The following NRCAM variants were observed in gnomAD, a reference collection of about 807,000 sequenced individuals.
NRCAM encodes neuronal cell adhesion molecule.
NRCAM carries 83 observed loss-of-function variants against 156.5 expected under a neutral mutation model. That is an observed-to-expected ratio of 0.53 (90% CI 0.44 to 0.64). The LOEUF is 0.64. Ranked by LOEUF, NRCAM falls within the 30% of genes least tolerant of loss-of-function variation. The pLI, the probability that NRCAM is intolerant of heterozygous loss-of-function variation, is 0.00. For missense variants in NRCAM, 1,417 were observed against 1,597.3 expected, an observed-to-expected ratio of 0.89 and a Z score of 1.92; for synonymous variants, 538 against 563.9, an observed-to-expected ratio of 0.95 and a Z score of 0.65.
At chr7:108,435,987 AG>A (rs1350231618) in intron 1 of NRCAM, among the ~76,000 whole-genome samples, 2 of 152,162 alleles carry the variant, frequency 1.3e-5, no homozygotes, top group African/African-American at 4.8e-5. Flanking sequence ...AAAAAAAATT[AG>A]CCGGGCGTGT....
chr7:108,395,940 T>C (rs960232654), intron 2 of NRCAM, among the ~76,000 whole-genome samples: 1 of 152,176 alleles, frequency 6.6e-6, no homozygotes, highest in African/African-American at 2.4e-5. Flanking sequence ...CAGTCTGCAA[T>C]AGTTTCCATA....
chr7:108,244,455 A>C (rs2095768407), intron 3 of NRCAM, among the ~76,000 whole-genome samples: 2 of 152,158 alleles, frequency 1.3e-5, no homozygotes, highest in Admixed American at 1.3e-4. Flanking sequence ...TATTTATCTT[A>C]AGGAAGAAGT....
intron 2 of NRCAM, among the ~76,000 whole-genome samples, chr7:108,393,828 T>C (rs1280458444): frequency 3.9e-5 from 6 of 152,196 alleles, no homozygotes; most frequent in Non-Finnish European, 7.3e-5. Flanking sequence ...TGAAGATAGG[T>C]AATCCCATCC....
At chr7:108,399,648 A>G (rs2099786097) in intron 1 of NRCAM, 55 bp from the exon 2 acceptor site, 1 of 152,226 alleles carries the variant, frequency 6.6e-6, no homozygotes, top group Non-Finnish European at 1.5e-5. Context: ...GGTTAATTCT[A>G]TTTAGCTGAG....
chr7:108,435,652 C>T (rs1476750199), intron 1 of NRCAM, among the ~76,000 whole-genome samples: 1 of 152,108 alleles, frequency 6.6e-6, no homozygotes, highest in Non-Finnish European at 1.5e-5. Context: ...GGTTATTAGG[C>T]TTAATACCTG....
chr7:108,294,723 C>A (rs1027953996), intron 3 of NRCAM, among the ~76,000 whole-genome samples: 2 of 152,130 alleles, frequency 1.3e-5, no homozygotes, highest in Non-Finnish European at 2.9e-5. Flanking sequence ...TTATGTTTTG[C>A]CTTTGGCATG....
chr7:108,364,209 G>A (rs762166457), intron 2 of NRCAM, among the ~76,000 whole-genome samples: 1 of 152,104 alleles, frequency 6.6e-6, no homozygotes, highest in Non-Finnish European at 1.5e-5. Flanking sequence ...TTGAACAGAC[G>A]TTTCTTCAAA....
Position 108,178,093 on chromosome 7 carries a change from A to G in NRCAM, c.2871T>C (p.Ser957=), listed in dbSNP as rs1255381016. The change falls in exon 26 of 33, where the codon TCT becomes TCC. Residue 957 remains serine, a synonymous_variant. Coordinates refer to ENST00000379028, the MANE Select transcript of NRCAM (RefSeq NM_001037132.4). The part of the protein sequence containing the change: ...TPEGVPSAPS[S]LKIVNPTLDS... ...CCAGTGTTGGATTCACAATCTTCAA[A>G]GACGAGGGAGCACTGGGGACTTACA... is the stretch of plus-strand genomic sequence containing the variant. The G allele has an allele frequency of 2.5e-6, 4 of 1,613,194 alleles. No individual in the cohort carries two copies. The highest frequency in any genetic ancestry group is 3.4e-6 in the Non-Finnish European group (4 of 1,179,586).
intron 1 of NRCAM, among the ~76,000 whole-genome samples, chr7:108,423,076 T>C (rs1343266125): frequency 6.6e-6 from 1 of 151,922 alleles, no homozygotes; most frequent in Non-Finnish European, 1.5e-5. Flanking sequence ...GGGAGGGGGA[T>C]ATAGTTGAGG....
At chr7:108,162,327 T>C (rs1162764332) in intron 30 of NRCAM, among the ~76,000 whole-genome samples, 2 of 152,206 alleles carry the variant, frequency 1.3e-5, no homozygotes, top group Non-Finnish European at 2.9e-5. Context: ...TAAAAGTCCA[T>C]CATTACATCC....
intron 3 of NRCAM, among the ~76,000 whole-genome samples, chr7:108,281,827 A>T (rs1318932486): frequency 6.6e-6 from 1 of 152,246 alleles, no homozygotes; most frequent in East Asian, 1.9e-4. Context: ...GGCAAACTGG[A>T]TGTAATAATA....
At chr7:108,397,796 G>C (rs1244705968) in intron 2 of NRCAM, among the ~76,000 whole-genome samples, 1 of 152,018 alleles carries the variant, frequency 6.6e-6, no homozygotes, top group Non-Finnish European at 1.5e-5. Context: ...TTAACTTCAG[G>C]GTTCACACTG....
intron 29 of NRCAM, 44 bp from the exon 30 acceptor site, chr7:108,167,117 G>A (rs768484091): frequency 1.4e-5 from 21 of 1,511,036 alleles, no homozygotes; most frequent in Non-Finnish European, 1.9e-5. Flanking sequence ...TATTTTAAGG[G>A]ACCAGAAGTC....
intron 2 of NRCAM, among the ~76,000 whole-genome samples, chr7:108,334,924 C>A (rs972765028): frequency 1.3e-5 from 2 of 152,066 alleles, no homozygotes; most frequent in Admixed American, 6.5e-5. Flanking sequence ...AAATGTTGAC[C>A]ATTTTGCTCT....
chr7:108,451,160 A>G (rs1264853417), intron 1 of NRCAM, among the ~76,000 whole-genome samples: 1 of 151,770 alleles, frequency 6.6e-6, no homozygotes, highest in Non-Finnish European at 1.5e-5. Context: ...CAGAGGTTGC[A>G]GTGAGCCGAG....
At chr7:108,415,950 C>T (rs1801053818) in intron 1 of NRCAM, among the ~76,000 whole-genome samples, 1 of 152,216 alleles carries the variant, frequency 6.6e-6, no homozygotes, top group South Asian at 2.1e-4. Flanking sequence ...CATGGTTGCT[C>T]TTATGTAGTT....
intron 3 of NRCAM, among the ~76,000 whole-genome samples, chr7:108,259,236 A>AT (rs2096797811): frequency 6.6e-6 from 1 of 152,246 alleles, no homozygotes; most frequent in Non-Finnish European, 1.5e-5. Flanking sequence ...CTTTTACTCC[A>AT]TAAATTGTGA....
At chr7:108,378,006 T>C (rs540616352) in intron 2 of NRCAM, among the ~76,000 whole-genome samples, 14 of 152,166 alleles carry the variant, frequency 9.2e-5, no homozygotes, top group Non-Finnish European at 1.6e-4. Context: ...TTAAATCTTC[T>C]ACAAAGATAT....
At chr7:108,327,988 C>A (rs987196431) in intron 2 of NRCAM, among the ~76,000 whole-genome samples, 12 of 152,064 alleles carry the variant, frequency 7.9e-5, no homozygotes, top group African/African-American at 2.7e-4. Context: ...GTCTGTGAGA[C>A]TATTAAAAAC....
Sources: allele counts gnomAD v4.1 joint callset (sites outside exome capture counted in the v4.1 genomes callset), GRCh38; gene constraint gnomAD v4.1.1; transcripts MANE v1.5; gene names NCBI Gene and HGNC (gene_info 2026-07-23, HGNC 2026-07-21).